TSFM: variants seen among roughly 807,000 people sequenced by gnomAD.
TSFM encodes the protein Ts translation elongation factor, mitochondrial, also known as elongation factor Ts, mitochondrial.
A neutral mutation model predicts 33.4 loss-of-function variants in TSFM; 29 were observed. The observed-to-expected ratio is 0.87, with a 90% confidence interval of 0.65 to 1.18. The LOEUF (loss-of-function observed/expected upper bound fraction) is 1.18, where lower values mean the gene tolerates loss of function less well. Ranked by LOEUF, TSFM falls within the 50% of genes most tolerant of loss-of-function variation. The pLI is 0.00. For missense variants in TSFM, 394 were observed against 395.6 expected (o/e 1.00, Z 0.04); for synonymous variants, 178 against 163.5 (o/e 1.09, Z -0.68).
downstream of TSFM, among the ~76,000 whole-genome samples, chr12:57,801,960 C>T (rs192404417): frequency 4.4e-3 from 673 of 152,294 alleles, 6 homozygotes; most frequent in Non-Finnish European, 4.8e-3. Flanking sequence ...TTGCTGACAC[C>T]TGCTGTGAAT....
chr12:57,784,556 C>T (rs892352958), intron 2 of TSFM, among the ~76,000 whole-genome samples: 4 of 152,014 alleles, frequency 2.6e-5, no homozygotes, highest in Admixed American at 6.6e-5. Flanking sequence ...TGCACTTTTT[C>T]TGTGAGCTTT....
chr12:57,790,573 C>G (rs1180725697), intron 4 of TSFM, among the ~76,000 whole-genome samples: 1 of 152,086 alleles, frequency 6.6e-6, no homozygotes, highest in Admixed American at 6.5e-5. Flanking sequence ...CTGCAAATAA[C>G]AAAACTACTA....
intron 4 of TSFM, among the ~76,000 whole-genome samples, chr12:57,790,966 C>T (rs1453565844): frequency 6.8e-6 from 1 of 146,460 alleles, no homozygotes; most frequent in African/African-American, 2.5e-5. Context: ...TTGGCCTCCT[C>T]AAAGTGCTGG....
chr12:57,783,515 A>G, intron 2 of TSFM: 1 of 689,492 alleles, frequency 1.5e-6, no homozygotes, highest in South Asian at 1.5e-5. Context: ...TGTTGCCTGG[A>G]GCTGAAAGGG....
In TSFM at chr12:57,797,209, A is replaced by G. The variant is rs993426009; in HGVS notation, c.*626A>G. 1.4e-5 allele frequency: 14 copies of G among 985,322 alleles called. No individual in the cohort carries two copies. The African/African-American group carries it at 2.1e-4, about 15-fold the overall frequency. The allele number at this position is 985,322 out of a possible 1,614,324, so 61.0% of individuals were successfully genotyped here. On this transcript the variant is annotated 3_prime_UTR_variant, in exon 6 of 6. Transcript: ENST00000652027. ...GTACTGAGGTTTCCTGGCCAGCTGT[A>G]AGGCAGATTTTGACATTCTTGTGCC...
At chr12:57,794,203 C>T (rs1216846023) in intron 5 of TSFM, among the ~76,000 whole-genome samples, 1 of 152,150 alleles carries the variant, frequency 6.6e-6, no homozygotes, top group Non-Finnish European at 1.5e-5. Context: ...GTGTTTCAGC[C>T]TTGTCAGTTT....
At chr12:57,784,874 CTG>C (rs937628467) in intron 2 of TSFM, among the ~76,000 whole-genome samples, 6 of 139,850 alleles carry the variant, frequency 4.3e-5, no homozygotes, top group African/African-American at 1.6e-4. Context: ...GAGTGAAACT[CTG>C]TCTCAAAAAA....
At chr12:57,802,530 T>C, downstream of TSFM, 2 of 785,232 alleles carry the variant, frequency 2.5e-6, no homozygotes. Context: ...TGTTTATCAT[T>C]TTAATTGCTA....
chr12:57,798,084 T>G, downstream of TSFM: 1 of 831,496 alleles, frequency 1.2e-6, no homozygotes, highest in South Asian at 1.9e-5. Flanking sequence ...GAGGGAGTTC[T>G]AGGTGGATCC....
chr12:57,788,568 T>G (rs900398749), intron 4 of TSFM, among the ~76,000 whole-genome samples: 2 of 151,854 alleles, frequency 1.3e-5, no homozygotes, highest in Non-Finnish European at 2.9e-5. Context: ...TGAGCCACCA[T>G]GCCTGGCCCC....
Position 57,792,883 on chromosome 12 carries a change from C to T in TSFM, c.484-103C>T, listed in dbSNP as rs374182475. 435 of 1,182,618 alleles carry T rather than the reference C, an allele frequency of 3.7e-4. 9 individuals carry two copies. Among genetic ancestry groups the T allele is most frequent in the South Asian group, 3.7e-3 (273 of 74,340 alleles). 73.3% of individuals were successfully genotyped at this position (1,182,618 alleles called of 1,614,324 possible). Reference sequence around the variant, plus strand: ...TTGGGATTACAGGCGTGAGCCACCACGCCTGGCCAATACTTTTCTTAGAGA... The same window carrying T: ...TTGGGATTACAGGCGTGAGCCACCATGCCTGGCCAATACTTTTCTTAGAGA... On this transcript the variant is annotated intron_variant, in intron 4 of 5. Transcript: ENST00000652027.
downstream of TSFM, chr12:57,800,399 G>T (rs1955822415): frequency 6.5e-6 from 1 of 153,988 alleles, no homozygotes; most frequent in Admixed American, 6.4e-5. Context: ...CACTCCTCCT[G>T]AGGTTAAAGA....
At chr12:57,802,107 C>T, downstream of TSFM, 1 of 1,582,072 alleles carries the variant, frequency 6.3e-7, no homozygotes, top group Non-Finnish European at 8.7e-7. Flanking sequence ...GCCCACTGAG[C>T]TGTTCTGAGC....
chr12:57,787,247 C>A, intron 4 of TSFM, 85 bp downstream of exon 4: 1 of 1,340,436 alleles, frequency 7.5e-7, no homozygotes, highest in Non-Finnish European at 1.0e-6. Flanking sequence ...ATTCTCATGT[C>A]TCATTCTGTT....
downstream of TSFM, among the ~76,000 whole-genome samples, chr12:57,799,580 G>A (rs1244413819): frequency 6.6e-6 from 1 of 152,212 alleles, no homozygotes; most frequent in Non-Finnish European, 1.5e-5. Context: ...AGAAATGGAA[G>A]AGGAGTGAAC....
At chr12:57,792,400 A>G (rs994055463) in intron 4 of TSFM, among the ~76,000 whole-genome samples, 1 of 152,228 alleles carries the variant, frequency 6.6e-6, no homozygotes, top group Non-Finnish European at 1.5e-5. Context: ...AAAGAAAAAG[A>G]AAATAATTGT....
In TSFM at chr12:57,797,335, T is replaced by G. The variant is rs1040465683; in HGVS notation, c.*752T>G. The G allele has an allele frequency of 1.0e-6, 1 of 985,258 alleles. No homozygotes were observed. The highest frequency in any genetic ancestry group is 6.2e-5 in the Admixed American group (1 of 16,240). 61.0% of individuals were successfully genotyped at this position (985,258 alleles called of 1,614,324 possible). A position where few individuals can be genotyped will look rare whatever the true frequency, so the allele number is the denominator to read the frequency against. ...ACATTTCTTCAAGTATAACATAAAATTACCGTAACAAGCAGACCCAGAATA... is the reference window on the plus strand; with the variant it reads ...ACATTTCTTCAAGTATAACATAAAAGTACCGTAACAAGCAGACCCAGAATA... On this transcript the variant is annotated 3_prime_UTR_variant, in exon 6 of 6. Transcript: ENST00000652027.
intron 4 of TSFM, among the ~76,000 whole-genome samples, chr12:57,790,798 T>G (rs887884633): frequency 5.5e-5 from 8 of 145,320 alleles, no homozygotes; most frequent in Non-Finnish European, 7.6e-5. Context: ...TAAATGTGTG[T>G]TTTTTTTTTT....
At chr12:57,785,531 G>A (rs771354942) in intron 2 of TSFM, among the ~76,000 whole-genome samples, 2 of 152,080 alleles carry the variant, frequency 1.3e-5, no homozygotes, top group Non-Finnish European at 2.9e-5. Context: ...GCAGTGGCGC[G>A]ATAGATCTTG....
Sources: allele counts gnomAD v4.1 joint callset (sites outside exome capture counted in the v4.1 genomes callset), GRCh38; gene constraint gnomAD v4.1.1; transcripts MANE v1.5; gene names NCBI Gene and HGNC (gene_info 2026-07-23, HGNC 2026-07-21).